Variants in STXBP5L observed in about 807,000 individuals in gnomAD.
STXBP5L encodes syntaxin binding protein 5L.
STXBP5L carries 65 observed loss-of-function variants against 144.5 expected under a neutral mutation model. The ratio of observed to expected loss-of-function variants is 0.45; its 90% CI spans 0.37 to 0.55. The LOEUF is 0.55. STXBP5L is among the 20% of genes least tolerant of loss of function. The pLI, the probability that STXBP5L is intolerant of heterozygous loss-of-function variation, is 0.00. For missense variants in STXBP5L, 1,298 were observed against 1,405.5 expected (o/e 0.92, Z 1.22); for synonymous variants, 505 against 469.6 (o/e 1.08, Z -0.97).
intron 22 of STXBP5L, among the ~76,000 whole-genome samples, chr3:121,405,573 T>G (rs2046977989): frequency 6.6e-6 from 1 of 152,130 alleles, no homozygotes; most frequent in African/African-American, 2.4e-5. Flanking sequence ...TCCTAGCCAG[T>G]GAGTTCTTCT....
chr3:121,315,203 C>T (rs2043739969), intron 19 of STXBP5L, among the ~76,000 whole-genome samples: 1 of 152,126 alleles, frequency 6.6e-6, no homozygotes, highest in Non-Finnish European at 1.5e-5. Flanking sequence ...TACTGCAGCA[C>T]TATTCACAAT....
At chr3:121,048,539 A>G (rs1947688390) in intron 5 of STXBP5L, among the ~76,000 whole-genome samples, 1 of 151,706 alleles carries the variant, frequency 6.6e-6, no homozygotes, top group East Asian at 1.9e-4. Context: ...TGTTTTGTTC[A>G]TTTTCTTTCT....
intron 9 of STXBP5L, among the ~76,000 whole-genome samples, chr3:121,170,015 T>C (rs2046647296): frequency 6.6e-6 from 1 of 151,430 alleles, no homozygotes; most frequent in African/African-American, 2.4e-5. Flanking sequence ...CACAGTGCAA[T>C]CAAATTAGAA....
chr3:121,391,204 A>T (rs755638692), intron 22 of STXBP5L, among the ~76,000 whole-genome samples: 5 of 152,148 alleles, frequency 3.3e-5, no homozygotes, highest in Admixed American at 6.6e-5. Context: ...TGCATGTGTC[A>T]TGAAGTTCTT....
chr3:121,111,840 A>T (rs1389248154), intron 5 of STXBP5L, among the ~76,000 whole-genome samples: 1 of 151,802 alleles, frequency 6.6e-6, no homozygotes, highest in Non-Finnish European at 1.5e-5. Flanking sequence ...AAGTCCACTG[A>T]TCCATGGAGA....
rs147985527 is a variant in STXBP5L at position 121,206,405 on chromosome 3, T to C, written c.956+404T>C. On this transcript the variant is annotated intron_variant, in intron 10 of 26. Coordinates refer to ENST00000471454, the MANE Select transcript of STXBP5L (RefSeq NM_001308330.2). ...CATTCTGAAGTTGGAAGATTACAGT[T>C]TGTTCGAAAGATAAAGTTGTGTATA... 3.0e-3 allele frequency among the ~76,000 whole-genome samples: 464 copies of C among 152,274 alleles called. 3 individuals carry two copies. The highest frequency in any genetic ancestry group is 0.01 in the African/African-American group (433 of 41,566).
intron 20 of STXBP5L, among the ~76,000 whole-genome samples, chr3:121,335,379 C>T (rs2044469773): frequency 6.6e-6 from 1 of 151,980 alleles, no homozygotes; most frequent in Admixed American, 6.6e-5. Flanking sequence ...TGCCATATTG[C>T]CTGAAGCAAT....
At chr3:121,064,761 A>G (rs566112452) in intron 5 of STXBP5L, among the ~76,000 whole-genome samples, 1 of 152,322 alleles carries the variant, frequency 6.6e-6, no homozygotes, top group African/African-American at 2.4e-5. Context: ...TTAGACAGAG[A>G]GGATGCATGG....
At position 121,060,363 on chromosome 3, in the gene STXBP5L, A is replaced by G. The variant is rs182103717; in HGVS notation, c.470+14828A>G. Reference sequence around the variant, plus strand: ...GATAAGCTTTTTGATGTGCTGCTGGACTTGGTTTGTCAGTATTTTATTGAA... The same window carrying G: ...GATAAGCTTTTTGATGTGCTGCTGGGCTTGGTTTGTCAGTATTTTATTGAA... On this transcript the variant is annotated intron_variant, in intron 5 of 26. Transcript: ENST00000471454. 1.7e-4 allele frequency among the ~76,000 whole-genome samples: 26 copies of G among 152,154 alleles called. 1 individual carries two copies. The highest frequency in any genetic ancestry group is 9.2e-4 in the Admixed American group (14 of 15,260).
chr3:121,058,565 T>A (rs986540744), intron 5 of STXBP5L, among the ~76,000 whole-genome samples: 1 of 152,240 alleles, frequency 6.6e-6, no homozygotes, highest in African/African-American at 2.4e-5. Context: ...TCTTCCACAA[T>A]GGCTGAACTA....
At chr3:120,928,168 A>T (rs1709736261) in intron 2 of STXBP5L, among the ~76,000 whole-genome samples, 1 of 152,190 alleles carries the variant, frequency 6.6e-6, no homozygotes, top group South Asian at 2.1e-4. Flanking sequence ...TCAAAACAAG[A>T]TATAAAATAT....
chr3:121,230,915 A>G (rs568561662), intron 11 of STXBP5L, among the ~76,000 whole-genome samples: 80 of 152,300 alleles, frequency 5.3e-4, no homozygotes, highest in Non-Finnish European at 9.1e-4. Context: ...GAGAGGAGCT[A>G]GTTGAAGAAG....
At position 121,223,006 on chromosome 3, in the gene STXBP5L, A is replaced by G. The variant is rs1468331132; in HGVS notation, c.960A>G (p.Glu320=). ...KVEYKTCKNS[E]PFIIFSGGLS... ...ATTCATGTTTTTTCCTATGTAGCGA[A>G]CCATTCATAATATTCTCTGGTGGGC... The change falls in exon 11 of 27, where the codon GAA becomes GAG. Residue 320 remains glutamate, a synonymous_variant. Transcript: ENST00000471454. 1 of 1,598,074 alleles carries G rather than the reference A, an allele frequency of 6.3e-7. No individual in the cohort carries two copies. Among genetic ancestry groups the G allele is most frequent in the Admixed American group, 1.8e-5 (1 of 55,614 alleles).
chr3:120,988,032 T>C (rs1162725512), intron 3 of STXBP5L, among the ~76,000 whole-genome samples: 1 of 151,792 alleles, frequency 6.6e-6, no homozygotes, highest in Non-Finnish European at 1.5e-5. Context: ...TTTTGTAGTT[T>C]GTCATCAGTC....
intron 4 of STXBP5L, among the ~76,000 whole-genome samples, chr3:121,042,910 A>G (rs550077460): frequency 6.6e-5 from 10 of 151,774 alleles, no homozygotes; most frequent in African/African-American, 2.2e-4. Flanking sequence ...ATTATCTAGA[A>G]TGTCAGGCTT....
At chr3:121,301,768 T>C (rs1326478549) in intron 19 of STXBP5L, among the ~76,000 whole-genome samples, 3 of 152,184 alleles carry the variant, frequency 2.0e-5, no homozygotes, top group Non-Finnish European at 4.4e-5. Flanking sequence ...GTTGTTGAAT[T>C]TTGTCAAAGG....
chr3:120,927,363 T>A (rs1465840793), intron 2 of STXBP5L, among the ~76,000 whole-genome samples: 1 of 152,212 alleles, frequency 6.6e-6, no homozygotes, highest in African/African-American at 2.4e-5. Context: ...TCTAATTTGG[T>A]GTCTCCTTTG....
At chr3:121,207,148 G>A (rs561635621) in intron 10 of STXBP5L, among the ~76,000 whole-genome samples, 5 of 151,508 alleles carry the variant, frequency 3.3e-5, no homozygotes, top group East Asian at 1.9e-4. Context: ...AATGAACACT[G>A]TTTGAACAGA....
chr3:121,416,939 C>G (rs547203016), intron 25 of STXBP5L, among the ~76,000 whole-genome samples: 56 of 152,104 alleles, frequency 3.7e-4, no homozygotes, highest in Non-Finnish European at 6.6e-4. Flanking sequence ...AACTTTTATG[C>G]AAAAACATCT....
Sources: gnomAD v4.1 joint callset for allele counts (sites outside exome capture counted in the v4.1 genomes callset) on GRCh38, gnomAD v4.1.1 for gene constraint, MANE v1.5 for transcripts, NCBI Gene and HGNC (gene_info 2026-07-23, HGNC 2026-07-21) for gene names.